GPC3: variants seen among roughly 807,000 people sequenced by gnomAD.
GPC3 encodes the protein glypican 3.
A neutral mutation model predicts 34.4 loss-of-function variants in GPC3; 3 were observed. The ratio of observed to expected loss-of-function variants is 0.09; its 90% CI spans 0.04 to 0.23. The LOEUF (loss-of-function observed/expected upper bound fraction) is 0.23, where lower values mean the gene tolerates loss of function less well. Among genes scored for constraint, GPC3 ranks in the 10% least tolerant of loss-of-function variants. The pLI, the probability that GPC3 is intolerant of heterozygous loss-of-function variation, is 1.00. For synonymous variants in GPC3, 177 were observed against 174.0 expected, an observed-to-expected ratio of 1.02 and a Z score of -0.13; for missense variants, 351 against 445.6, an observed-to-expected ratio of 0.79 and a Z score of 1.91.
At chrX:133,770,568 T>C (rs1304410122) in intron 2 of GPC3, among the ~76,000 whole-genome samples, 1 of 111,414 alleles carries the variant, frequency 9.0e-6, no homozygotes, top group Non-Finnish European at 1.9e-5. Flanking sequence ...AATATTAGAA[T>C]CTCCTAGAAA....
At chrX:133,745,030 A>AG (rs772018055) in intron 3 of GPC3, among the ~76,000 whole-genome samples, 16 of 110,782 alleles carry the variant, frequency 1.4e-4, no homozygotes, top group Non-Finnish European at 3.0e-4. Flanking sequence ...GGGGTTGGGG[A>AG]GGGATAGCAT....
At chrX:133,979,341 T>C (rs534413465) in intron 1 of GPC3, among the ~76,000 whole-genome samples, 1 of 111,985 alleles carries the variant, frequency 8.9e-6, no homozygotes, top group Middle Eastern at 4.6e-3. Context: ...AAATACAAAC[T>C]CTCAAATTAG....
chrX:133,712,468 C>G (rs2071277521), intron 3 of GPC3, among the ~76,000 whole-genome samples: 1 of 111,509 alleles, frequency 9.0e-6, no homozygotes, highest in Non-Finnish European at 1.9e-5. Flanking sequence ...CTTTAAAAGT[C>G]AAAAGTGTTT....
At position 133,768,044 on chromosome X, in the gene GPC3, T is replaced by G. The variant is rs956165214; in HGVS notation, c.338-13868A>C. Among the ~76,000 whole-genome samples, 3 of 110,983 alleles carry G rather than the reference T, an allele frequency of 2.7e-5. No individual in the cohort carries two copies. The Admixed American group carries it at 2.9e-4, about 11-fold the overall frequency. On this transcript the variant is annotated intron_variant, in intron 2 of 7. Coordinates refer to ENST00000370818, the MANE Select transcript of GPC3 (RefSeq NM_004484.4). Reference sequence around the variant, plus strand: ...TAGGAAAATAGCCGTGTTGCTCTAATGAAGTTCTTAGTCTAGCTGGGCACG... The same window carrying G: ...TAGGAAAATAGCCGTGTTGCTCTAAGGAAGTTCTTAGTCTAGCTGGGCACG...
At chrX:133,650,114 T>C (rs1159142940) in intron 6 of GPC3, among the ~76,000 whole-genome samples, 2 of 111,719 alleles carry the variant, frequency 1.8e-5, no homozygotes, top group Non-Finnish European at 3.8e-5. Flanking sequence ...CTCAAAATCA[T>C]TCTAAATACC....
chrX:133,652,225 T>C (rs747320127), intron 6 of GPC3, among the ~76,000 whole-genome samples: 1 of 112,087 alleles, frequency 8.9e-6, no homozygotes, highest in African/African-American at 3.2e-5. Context: ...AGTGATACCA[T>C]GATAATAACC....
chrX:133,629,388 T>TTTTGTTTGTTTG (rs376115590), intron 6 of GPC3, among the ~76,000 whole-genome samples: 127 of 110,533 alleles, frequency 1.1e-3, no homozygotes, highest in African/African-American at 4.1e-3. Context: ...TATGATTCTT[T>TTTTGTTTGTTTG]TTTGTTTGTT....
Position 133,709,723 on chromosome X carries a change from T to C in GPC3, c.1033-9695A>G, listed in dbSNP as rs116278595. 5.7e-3 allele frequency among the ~76,000 whole-genome samples: 641 copies of C among 112,056 alleles called. 12 individuals carry two copies. Among genetic ancestry groups the C allele is most frequent in the African/African-American group, 0.02 (615 of 30,889 alleles). ...GATTGCACTGCTTCCACAAACTGCA[T>C]GGAGGTAGCTCAAATGAATACTGAT... On this transcript the variant is annotated intron_variant, in intron 3 of 7. Coordinates refer to ENST00000370818, the MANE Select transcript of GPC3 (RefSeq NM_004484.4).
intron 7 of GPC3, among the ~76,000 whole-genome samples, chrX:133,547,351 A>C (rs1393801120): frequency 1.8e-5 from 2 of 111,651 alleles, no homozygotes; most frequent in African/African-American, 3.3e-5. Flanking sequence ...AGAAAAAAAA[A>C]CTTACACTAG....
At chrX:133,559,323 C>T (rs2069521997) in intron 7 of GPC3, among the ~76,000 whole-genome samples, 1 of 106,730 alleles carries the variant, frequency 9.4e-6, no homozygotes, top group African/African-American at 3.7e-5. Flanking sequence ...CTCCATCTAG[C>T]AGGAGATTGA....
chrX:133,927,950 T>C (rs1723020437), intron 2 of GPC3, among the ~76,000 whole-genome samples: 1 of 109,113 alleles, frequency 9.2e-6, no homozygotes, highest in South Asian at 4.0e-4. Flanking sequence ...CCCACTTTCC[T>C]TGTGGCAAGA....
intron 2 of GPC3, among the ~76,000 whole-genome samples, chrX:133,814,359 AC>A (rs1243156844): frequency 1.8e-5 from 2 of 110,680 alleles, no homozygotes; most frequent in African/African-American, 6.6e-5. Flanking sequence ...ATAGTTCCCC[AC>A]CCTGGAATGA....
At chrX:133,881,464 C>T (rs2076041186) in intron 2 of GPC3, among the ~76,000 whole-genome samples, 1 of 112,228 alleles carries the variant, frequency 8.9e-6, no homozygotes, top group African/African-American at 3.2e-5. Flanking sequence ...AAATCATTTT[C>T]ATTAAATTTA....
intron 6 of GPC3, among the ~76,000 whole-genome samples, chrX:133,601,584 A>ACC (rs1249813441): frequency 8.9e-6 from 1 of 112,200 alleles, no homozygotes; most frequent in Non-Finnish European, 1.9e-5. Context: ...CCATTTTTCT[A>ACC]ATATTGAATA....
At chrX:133,734,579 G>A (rs1012598503) in intron 3 of GPC3, among the ~76,000 whole-genome samples, 1 of 109,564 alleles carries the variant, frequency 9.1e-6, no homozygotes, top group African/African-American at 3.3e-5. Context: ...AAAAAAAAGA[G>A]AGAAGGAAGG....
intron 3 of GPC3, among the ~76,000 whole-genome samples, chrX:133,712,760 C>G (rs1309174679): frequency 9.1e-6 from 1 of 110,194 alleles, no homozygotes; most frequent in Non-Finnish European, 1.9e-5. Flanking sequence ...TGGCAGGCAC[C>G]TGTAATCCCA....
intron 7 of GPC3, among the ~76,000 whole-genome samples, chrX:133,591,561 A>C (rs2069848043): frequency 9.0e-6 from 1 of 111,658 alleles, no homozygotes; most frequent in Non-Finnish European, 1.9e-5. Context: ...CTCTCAATTA[A>C]ATTAACCACC....
chrX:133,972,607 A>G (rs745492925), intron 1 of GPC3, among the ~76,000 whole-genome samples: 6 of 112,524 alleles, frequency 5.3e-5, no homozygotes, highest in African/African-American at 1.3e-4. Context: ...TCAATATCAC[A>G]TTCTCATTCA....
chrX:133,554,112 T>C (rs1169803218), intron 7 of GPC3, among the ~76,000 whole-genome samples: 1 of 109,076 alleles, frequency 9.2e-6, no homozygotes, highest in Non-Finnish European at 1.9e-5. Flanking sequence ...CTCCCAGGTT[T>C]AAGTGATTCT....
Sources: allele counts gnomAD v4.1 joint callset (sites outside exome capture counted in the v4.1 genomes callset), GRCh38; gene constraint gnomAD v4.1.1; transcripts MANE v1.5; gene names NCBI Gene and HGNC (gene_info 2026-07-23, HGNC 2026-07-21).